TMEM9B: variants seen among roughly 807,000 people sequenced by gnomAD.
TMEM9B encodes the protein transmembrane protein 9B.
TMEM9B carries 8 observed loss-of-function variants against 23.5 expected under a neutral mutation model. The observed-to-expected ratio is 0.34, with a 90% confidence interval of 0.20 to 0.61. TMEM9B has a LOEUF of 0.61. Among genes scored for constraint, TMEM9B ranks in the 20% least tolerant of loss-of-function variants. The pLI is 0.78. For synonymous variants in TMEM9B, 106 were observed against 96.3 expected, an observed-to-expected ratio of 1.10 and a Z score of -0.59; for missense variants, 197 against 252.3, an observed-to-expected ratio of 0.78 and a Z score of 1.49.
chr11:8,963,893 C>T (rs1464782044), intron 1 of TMEM9B: 1 of 364,366 alleles, frequency 2.7e-6, no homozygotes, highest in African/African-American at 2.2e-5. Flanking sequence ...AAAAGGTTGT[C>T]AAGTGTAAGA....
chr11:8,951,256 C>G (rs1033767252), intron 4 of TMEM9B, among the ~76,000 whole-genome samples: 1 of 152,170 alleles, frequency 6.6e-6, no homozygotes, highest in African/African-American at 2.4e-5. Context: ...TTAAGACTTT[C>G]AACGTCTATG....
At chr11:8,950,040 T>C (rs924598421) in intron 4 of TMEM9B, among the ~76,000 whole-genome samples, 1 of 151,844 alleles carries the variant, frequency 6.6e-6, no homozygotes, top group Non-Finnish European at 1.5e-5. Context: ...CTGGGACCTA[T>C]AGCCTATTTT....
At chr11:8,952,278 ACGC>A (rs1400654177) in intron 4 of TMEM9B, among the ~76,000 whole-genome samples, 97 of 70,228 alleles carry the variant, frequency 1.4e-3, no homozygotes, top group Admixed American at 4.4e-3. Flanking sequence ...ACACACACAC[ACGC>A]TATATATATA....
Position 8,960,713 on chromosome 11 carries a change from G to A in TMEM9B, c.197+1379C>T, listed in dbSNP as rs1018828324. Among the ~76,000 whole-genome samples, 29 of 148,442 alleles carry A rather than the reference G, an allele frequency of 2.0e-4. 1 individual carries two copies. The South Asian group carries it at 2.7e-3, about 14-fold the overall frequency. The stretch of plus-strand genomic sequence containing the variant: ...TTTTTTTTTTTTGAGCTAGGGTCTC[G>A]CTCTGTCACCCAGGCTGGAGTGCAG... On this transcript the variant is annotated intron_variant, in intron 2 of 4. Coordinates refer to ENST00000534025, the MANE Select transcript of TMEM9B (RefSeq NM_020644.3).
chr11:8,963,992 G>A (rs1031001343), intron 1 of TMEM9B: 3 of 563,488 alleles, frequency 5.3e-6, no homozygotes, highest in South Asian at 4.5e-5. Context: ...GGGGACGACC[G>A]TGGGGCGCTG....
At chr11:8,964,476 G>A, upstream of TMEM9B, 3 of 1,420,446 alleles carry the variant, frequency 2.1e-6, no homozygotes, top group Non-Finnish European at 2.7e-6. Context: ...CGCCGGGTCA[G>A]ATGCAAAAAG....
At chr11:8,951,832 G>A (rs562879266) in intron 4 of TMEM9B, among the ~76,000 whole-genome samples, 35 of 151,970 alleles carry the variant, frequency 2.3e-4, no homozygotes, top group African/African-American at 7.2e-4. Flanking sequence ...CCAGCCAGGC[G>A]CAGTGGCTCA....
rs557351989 is a variant in TMEM9B at position 8,948,567 on chromosome 11, G to GT, written c.442-93dup. 20 of 1,437,602 alleles carry GT rather than the reference G, an allele frequency of 1.4e-5. No individual in the cohort carries two copies. In the African/African-American group the frequency reaches 2.3e-4, roughly 16 times the overall value. The allele number at this position is 1,437,602 out of a possible 1,614,324, so 89.1% of individuals were successfully genotyped here. A position where few individuals can be genotyped will look rare whatever the true frequency, so the allele number is the denominator to read the frequency against. On this transcript the variant is annotated intron_variant, in intron 4 of 4. Transcript: ENST00000534025. Reference sequence around the variant, plus strand: ...TGACCAGCCCGCCACAGAAATAGGGGTAGGTGGACTTTTCAAACAACAGAG... The same window carrying GT: ...TGACCAGCCCGCCACAGAAATAGGGGTTAGGTGGACTTTTCAAACAACAGAG...
chr11:8,954,509 G>A (rs185615763), intron 3 of TMEM9B, among the ~76,000 whole-genome samples: 2,947 of 152,020 alleles, frequency 0.019, 44 homozygotes, highest in Non-Finnish European at 0.032. Flanking sequence ...GGCTGGTCTC[G>A]AACTCCTGAC....
At chr11:8,950,890 T>C (rs1387912171) in intron 4 of TMEM9B, among the ~76,000 whole-genome samples, 1 of 152,208 alleles carries the variant, frequency 6.6e-6, no homozygotes, top group Non-Finnish European at 1.5e-5. Context: ...ATATAAATAG[T>C]GCAGAACTCA....
At chr11:8,952,994 G>A (rs1358248313) in intron 4 of TMEM9B, 3 of 650,596 alleles carry the variant, frequency 4.6e-6, no homozygotes, top group African/African-American at 1.8e-5. Flanking sequence ...GCTCACCAAA[G>A]ATCATCGTTT....
chr11:8,952,814 C>T, intron 4 of TMEM9B: 1 of 389,820 alleles, frequency 2.6e-6, no homozygotes, highest in Non-Finnish European at 4.6e-6. Flanking sequence ...TTCACACTTC[C>T]CTTGATGAAA....
intron 1 of TMEM9B, 26 bp downstream of exon 1, chr11:8,964,183 C>T: frequency 6.4e-7 from 1 of 1,553,588 alleles, no homozygotes; most frequent in Non-Finnish European, 8.7e-7. Flanking sequence ...GAGCTTCCGT[C>T]AGGAGCGAGG....
At chr11:8,952,337 T>TGTGTGA (rs1249905826) in intron 4 of TMEM9B, among the ~76,000 whole-genome samples, 99 of 150,642 alleles carry the variant, frequency 6.6e-4, no homozygotes, top group Non-Finnish European at 1.0e-3. Flanking sequence ...TGTGTGTGTG[T>TGTGTGA]GAGAGATTTA....
intron 4 of TMEM9B, among the ~76,000 whole-genome samples, chr11:8,951,589 G>GAA (rs34883104): frequency 0.045 from 6,648 of 146,790 alleles, 212 homozygotes; most frequent in Non-Finnish European, 0.065. Flanking sequence ...GTCTCTACTA[G>GAA]AAAAAAAAAA....
rs1248977220 is a variant in TMEM9B at position 8,957,077 on chromosome 11, G to C, written c.198-779C>G. Among the ~76,000 whole-genome samples, 1 of 152,070 alleles carries C rather than the reference G, an allele frequency of 6.6e-6. No homozygotes were observed. The highest frequency in any genetic ancestry group is 2.4e-5 in the African/African-American group (1 of 41,372). On this transcript the variant is annotated intron_variant, in intron 2 of 4. Transcript: ENST00000534025. The surrounding 1 kb of genome is among the most constrained non-coding windows in gnomAD (Gnocchi z 4.3). ...AATGACTAACCACGTTTAACAGCGT[G>C]GTAAATTCTGAAACTCTGAAAATTG...
At chr11:8,951,684 G>C (rs1282450862) in intron 4 of TMEM9B, among the ~76,000 whole-genome samples, 2 of 151,760 alleles carry the variant, frequency 1.3e-5, no homozygotes, top group African/African-American at 4.8e-5. Context: ...CGTGAACCCG[G>C]GAGGCGGAGC....
chr11:8,964,084 G>T, intron 1 of TMEM9B, 125 bp downstream of exon 1: 2 of 946,198 alleles, frequency 2.1e-6, no homozygotes, highest in Non-Finnish European at 1.5e-6. Flanking sequence ...GGGGTCTGCC[G>T]GAGCTGTGAG....
rs1353440418 is a variant in TMEM9B at position 8,956,174 on chromosome 11, G to T, written c.306+16C>A. On this transcript the variant is annotated intron_variant, in intron 3 of 4. Transcript: ENST00000534025. ...ACAGACAGACAGACAGGTAGATAGA[G>T]GGATATATATTTTACCTTGATTGTG... 6.2e-7 allele frequency: 1 copy of T among 1,603,062 alleles called. No individual in the cohort carries two copies. Among genetic ancestry groups the T allele is most frequent in the South Asian group, 1.1e-5 (1 of 90,762 alleles).
Sources: gnomAD v4.1 joint callset for allele counts (sites outside exome capture counted in the v4.1 genomes callset) on GRCh38, gnomAD v4.1.1 for gene constraint, Gnocchi (gnomAD v3.1) non-coding constraint, MANE v1.5 for transcripts, NCBI Gene and HGNC (gene_info 2026-07-23, HGNC 2026-07-21) for gene names.